NMD3: variants seen among roughly 807,000 people sequenced by gnomAD.
NMD3 encodes the protein NMD3 ribosome export adaptor, also known as 60S ribosomal export protein NMD3.
A neutral mutation model predicts 73.1 loss-of-function variants in NMD3; 47 were observed. That is an observed-to-expected ratio of 0.64 (90% CI 0.51 to 0.82). The LOEUF (loss-of-function observed/expected upper bound fraction) is 0.82, where lower values mean the gene tolerates loss of function less well. Among genes scored for constraint, NMD3 ranks in the 40% least tolerant of loss-of-function variants. NMD3 has a pLI of 0.00. For synonymous variants in NMD3, 210 were observed against 194.5 expected (o/e 1.08, Z -0.66); for missense variants, 554 against 612.5 (o/e 0.90, Z 1.01).
chr3:161,234,051 G>T (rs533999148), intron 5 of NMD3, among the ~76,000 whole-genome samples: 3 of 152,238 alleles, frequency 2.0e-5, no homozygotes, highest in African/African-American at 7.2e-5. Context: ...TGTTCAATCT[G>T]TATTTAAAAA....
At chr3:161,239,384 GTATC>G (rs1736884580) in intron 9 of NMD3, among the ~76,000 whole-genome samples, 2 of 152,126 alleles carry the variant, frequency 1.3e-5, no homozygotes, top group African/African-American at 2.4e-5. Flanking sequence ...TAGTTATTGA[GTATC>G]TATAGTATAG....
chr3:161,246,603 T>G (rs1455069778), intron 12 of NMD3, among the ~76,000 whole-genome samples, 155 bp downstream of exon 12: 2 of 152,188 alleles, frequency 1.3e-5, no homozygotes, highest in Admixed American at 1.3e-4. Context: ...ATAACTAAAT[T>G]AAACTGGGTT....
At chr3:161,240,928 G>T in intron 9 of NMD3, 118 bp from the exon 10 acceptor site, 1 of 557,322 alleles carries the variant, frequency 1.8e-6, no homozygotes, top group Non-Finnish European at 3.2e-6. Context: ...TTGATTGATA[G>T]AATTGAAAAT....
intron 2 of NMD3, among the ~76,000 whole-genome samples, chr3:161,224,553 G>A (rs1017285961): frequency 4.6e-5 from 7 of 151,998 alleles, no homozygotes; most frequent in Non-Finnish European, 5.9e-5. Context: ...GTGCAGTGGC[G>A]TGATCTGGCT....
chr3:161,247,704 G>A (rs960278743), intron 13 of NMD3, among the ~76,000 whole-genome samples: 3 of 151,324 alleles, frequency 2.0e-5, no homozygotes, highest in Non-Finnish European at 4.4e-5. Flanking sequence ...TAGGAGAATT[G>A]CCTGAACCGA....
At chr3:161,232,176 T>C (rs1477053332) in intron 4 of NMD3, among the ~76,000 whole-genome samples, 3 of 149,402 alleles carry the variant, frequency 2.0e-5, no homozygotes, top group East Asian at 4.0e-4. Context: ...CTGATGGAGA[T>C]TGAAGGAATA....
rs149336286 is a variant in NMD3 at position 161,249,478 on chromosome 3, C to T, written c.1228C>T (p.Arg410Trp). The T allele has an allele frequency of 3.7e-6, 6 of 1,609,852 alleles. No individual in the cohort carries two copies. Among genetic ancestry groups the T allele is most frequent in the Admixed American group, 1.7e-5 (1 of 59,050 alleles). ...DVVLIKKSYD[R>W]TKRQRRRNWK... Reference sequence around the variant, plus strand: ...GGTATTAATCAAGAAGAGCTATGACCGGACCAAACGTCAGCGTCGTAGAAA... The same window carrying T: ...GGTATTAATCAAGAAGAGCTATGACTGGACCAAACGTCAGCGTCGTAGAAA... Residue 410 changes from arginine to tryptophan, a missense_variant, in exon 14 of 16, where the codon CGG (arginine) becomes TGG (tryptophan). Arg to Trp is a moderately radical substitution (Grantham distance 101, BLOSUM62 -3). Transcript: ENST00000351193.
intron 12 of NMD3, among the ~76,000 whole-genome samples, chr3:161,247,018 T>C (rs937540223): frequency 2.0e-5 from 3 of 152,190 alleles, no homozygotes; most frequent in African/African-American, 7.2e-5. Context: ...TAAGTCTGTT[T>C]TGCTTTTACA....
At chr3:161,229,738 A>G (rs1485191493) in intron 4 of NMD3, among the ~76,000 whole-genome samples, 2 of 152,318 alleles carry the variant, frequency 1.3e-5, no homozygotes, top group East Asian at 3.9e-4. Flanking sequence ...TGATGAAGAA[A>G]TAATTGGGTA....
chr3:161,252,755 A>ATT, downstream of NMD3: 7 of 646,970 alleles, frequency 1.1e-5, no homozygotes, highest in South Asian at 5.0e-5. Context: ...CATTATGACC[A>ATT]TTTTTTTTTG....
At chr3:161,248,525 A>G (rs1737346652) in intron 13 of NMD3, among the ~76,000 whole-genome samples, 1 of 152,124 alleles carries the variant, frequency 6.6e-6, no homozygotes, top group Non-Finnish European at 1.5e-5. Context: ...GCTAAAAATG[A>G]TGACATTTAG....
chr3:161,247,880 T>A (rs1418967994), intron 13 of NMD3, among the ~76,000 whole-genome samples: 1 of 151,494 alleles, frequency 6.6e-6, no homozygotes, highest in East Asian at 2.0e-4. Flanking sequence ...AATTCTGAGC[T>A]CAAGTAATCC....
intron 3 of NMD3, among the ~76,000 whole-genome samples, chr3:161,226,481 A>G (rs1229116175): frequency 1.3e-5 from 2 of 152,162 alleles, no homozygotes; most frequent in East Asian, 1.9e-4. Flanking sequence ...CGAAATAAAT[A>G]TGTACTTATA....
chr3:161,252,925 C>T, downstream of NMD3: 1 of 559,422 alleles, frequency 1.8e-6, no homozygotes, highest in East Asian at 3.1e-5. Flanking sequence ...ATAGTGAAAC[C>T]CTGTCTCTAC....
chr3:161,241,323 C>A (rs1331385434), intron 10 of NMD3, among the ~76,000 whole-genome samples, 160 bp downstream of exon 10: 1 of 151,390 alleles, frequency 6.6e-6, no homozygotes, highest in Non-Finnish European at 1.5e-5. Flanking sequence ...AATTTGCAAG[C>A]TTTGATTAGT....
At position 161,225,055 on chromosome 3, in the gene NMD3, A is replaced by G; in HGVS notation, c.170A>G (p.Gln57Arg). The G allele has an allele frequency of 6.2e-7, 1 of 1,613,798 alleles. No individual in the cohort carries two copies. The highest frequency in any genetic ancestry group is 1.1e-5 in the South Asian group (1 of 90,990). ...CAAGTCTCGATTTCGTTCTGCAAAC[A>G]ATGTCAAAGGTACAGTGCGGTACAA... ...PKQVSISFCK[Q>R]CQRYFQPPGT... is the part of the protein sequence containing the mutation. Residue 57 changes from glutamine (Q) to arginine (R), a missense_variant, in exon 3 of 16, where the codon CAA becomes CGA. Gln to Arg is a conservative substitution (Grantham distance 43, BLOSUM62 1). Coordinates refer to ENST00000351193, the MANE Select transcript of NMD3 (RefSeq NM_015938.5).
chr3:161,236,026 G>T (rs1736743352), intron 7 of NMD3, among the ~76,000 whole-genome samples: 2 of 151,674 alleles, frequency 1.3e-5, no homozygotes, highest in Admixed American at 1.3e-4. Context: ...ATTTAGTTCT[G>T]TTTTGTTTTA....
chr3:161,222,208 G>A (rs1736127946), intron 2 of NMD3, 151 bp downstream of exon 2: 1 of 667,556 alleles, frequency 1.5e-6, no homozygotes, highest in Admixed American at 2.6e-5. Flanking sequence ...GTAGAAAATC[G>A]AATTAGTTTC....
intron 2 of NMD3, among the ~76,000 whole-genome samples, chr3:161,224,372 T>A (rs552554372): frequency 4.7e-4 from 71 of 152,340 alleles, no homozygotes; most frequent in Admixed American, 3.1e-3. Context: ...TTCTAGAACC[T>A]TTAGGACATC....
Sources: gnomAD v4.1 joint callset for allele counts (sites outside exome capture counted in the v4.1 genomes callset) on GRCh38, gnomAD v4.1.1 for gene constraint, MANE v1.5 for transcripts, NCBI Gene and HGNC (gene_info 2026-07-23, HGNC 2026-07-21) for gene names.